The following ACTR3C variants were observed in gnomAD, a reference collection of about 807,000 sequenced individuals.
ACTR3C encodes actin-related protein 3C.
In ACTR3C, 18 loss-of-function variants were observed where a neutral mutation model predicts 26.3. The ratio of observed to expected loss-of-function variants is 0.68; its 90% CI spans 0.47 to 1.01. The LOEUF is 1.01. ACTR3C is among the 50% of genes least tolerant of loss of function. ACTR3C has a pLI of 0.00. For synonymous variants in ACTR3C, 55 were observed against 94.5 expected (o/e 0.58, Z 2.42); for missense variants, 184 against 250.7 (o/e 0.73, Z 1.80).
At chr7:150,226,743 G>A in the ACTR3C span, among the ~76,000 whole-genome samples, 1 of 152,028 alleles carries the variant, frequency 6.6e-6, no homozygotes, top group Non-Finnish European at 1.5e-5. Flanking sequence ...CCGCCTCATT[G>A]CCGTTTTAAT....
At chr7:149,931,194 T>A in the ACTR3C span, among the ~76,000 whole-genome samples, 3 of 152,238 alleles carry the variant, frequency 2.0e-5, no homozygotes, top group Non-Finnish European at 4.4e-5. Context: ...ACGTACATAC[T>A]GTGCTCCCAC....
At chr7:149,921,574 C>T in the ACTR3C span, among the ~76,000 whole-genome samples, 1 of 152,096 alleles carries the variant, frequency 6.6e-6, no homozygotes, top group Non-Finnish European at 1.5e-5. Context: ...AGCAAAGTGG[C>T]TTTATCTAAA....
chr7:150,279,504 CACTGCTGGATCCAG>C (rs903094785), intron 6 of ACTR3C, among the ~76,000 whole-genome samples: 14 of 151,044 alleles, frequency 9.3e-5, no homozygotes, highest in African/African-American at 3.4e-4. Flanking sequence ...ACTCCCAACC[CACTGCTGGATCCAG>C]ACTGCTGGAG....
the ACTR3C span, among the ~76,000 whole-genome samples, chr7:150,208,438 G>T: frequency 1.3e-5 from 2 of 152,080 alleles, no homozygotes; most frequent in African/African-American, 4.8e-5. Flanking sequence ...CACTCACACA[G>T]GACAGAAAAT....
chr7:150,296,598 G>C, intron 1 of ACTR3C, among the ~76,000 whole-genome samples: 1 of 142,790 alleles, frequency 7.0e-6, no homozygotes, highest in Non-Finnish European at 1.5e-5. Context: ...ATTTAAAACT[G>C]AAAAAATAAA....
At chr7:150,101,090 G>A in the ACTR3C span, among the ~76,000 whole-genome samples, 5 of 151,454 alleles carry the variant, frequency 3.3e-5, no homozygotes, top group Non-Finnish European at 5.9e-5. Flanking sequence ...CTGCCTTAAG[G>A]AGTTATCCTT....
the ACTR3C span, among the ~76,000 whole-genome samples, chr7:149,904,359 G>A: frequency 1.1e-4 from 17 of 148,248 alleles, no homozygotes; most frequent in Middle Eastern, 7.8e-3. Flanking sequence ...GTGAAATCCC[G>A]TCTCTACTAA....
intron 1 of ACTR3C, among the ~76,000 whole-genome samples, chr7:150,299,779 C>G (rs551054197): frequency 2.6e-5 from 4 of 152,022 alleles, no homozygotes; most frequent in South Asian, 2.1e-4. Flanking sequence ...AGAGTTAACT[C>G]CATCTCAAAA....
At chr7:149,983,429 T>TTGTATGTATGTGTGTGTG in the ACTR3C span, among the ~76,000 whole-genome samples, 1 of 15,642 alleles carries the variant, frequency 6.4e-5, no homozygotes, top group African/African-American at 1.4e-4. Flanking sequence ...GGTGTGTGTG[T>TTGTATGTATGTGTGTGTG]TGTGTGTATG....
At chr7:150,035,696 T>TGG in the ACTR3C span, among the ~76,000 whole-genome samples, 1 of 125,572 alleles carries the variant, frequency 8.0e-6, no homozygotes, top group Admixed American at 7.7e-5. Flanking sequence ...GGATCAGCGA[T>TGG]GGGGGTCCTA....
the ACTR3C span, among the ~76,000 whole-genome samples, chr7:150,028,865 A>T: frequency 6.6e-6 from 1 of 152,222 alleles, no homozygotes; most frequent in Non-Finnish European, 1.5e-5. Context: ...CTTGTCTGCT[A>T]TGAGCCTGCC....
At chr7:149,891,595 C>T in the ACTR3C span, among the ~76,000 whole-genome samples, 2 of 151,784 alleles carry the variant, frequency 1.3e-5, no homozygotes, top group Admixed American at 1.3e-4. Flanking sequence ...GAGGCCAAGG[C>T]AGGAGGCTCA....
chr7:150,160,845 A>G, the ACTR3C span, among the ~76,000 whole-genome samples: 14 of 150,252 alleles, frequency 9.3e-5, no homozygotes, highest in Non-Finnish European at 1.0e-4. Flanking sequence ...CAATGAATTA[A>G]TGTATGATTT....
At chr7:150,004,213 ATGT>A in the ACTR3C span, among the ~76,000 whole-genome samples, 1 of 148,504 alleles carries the variant, frequency 6.7e-6, no homozygotes, top group Non-Finnish European at 1.5e-5. Context: ...GTGGTGTGTT[ATGT>A]TGTGTGTGTG....
the ACTR3C span, among the ~76,000 whole-genome samples, chr7:150,185,694 C>T: frequency 6.6e-6 from 1 of 151,432 alleles, no homozygotes; most frequent in East Asian, 1.9e-4. Flanking sequence ...TACCCTCCCT[C>T]TCTCCTAAGA....
At chr7:150,115,142 T>C in the ACTR3C span, among the ~76,000 whole-genome samples, 1 of 152,242 alleles carries the variant, frequency 6.6e-6, no homozygotes, top group African/African-American at 2.4e-5. Flanking sequence ...CAACGTCTAC[T>C]AGAGTATGGA....
At chr7:150,133,180 A>C in the ACTR3C span, among the ~76,000 whole-genome samples, 1 of 152,168 alleles carries the variant, frequency 6.6e-6, no homozygotes, top group South Asian at 2.1e-4. Context: ...GAAATCAGAG[A>C]GAGACACTGA....
the ACTR3C span, among the ~76,000 whole-genome samples, chr7:150,190,835 T>C: frequency 8.5e-5 from 13 of 152,170 alleles, no homozygotes; most frequent in Non-Finnish European, 1.8e-4. Context: ...CTTACAATCA[T>C]GGTGGAAGGG....
the ACTR3C span, among the ~76,000 whole-genome samples, chr7:150,171,813 ATTCT>A: frequency 2.8e-5 from 4 of 145,364 alleles, no homozygotes; most frequent in Admixed American, 1.3e-4. Context: ...TATAGATTCT[ATTCT>A]TTCTTTCTTT....
Sources: allele counts gnomAD v4.1 joint callset (sites outside exome capture counted in the v4.1 genomes callset), GRCh38; gene constraint gnomAD v4.1.1; transcripts MANE v1.5; gene names NCBI Gene and HGNC (gene_info 2026-07-23, HGNC 2026-07-21).